Variants in ZNF569 observed in about 807,000 individuals in gnomAD.
ZNF569 encodes the protein DNA-binding protein.
A neutral mutation model predicts 56.3 loss-of-function variants in ZNF569; 38 were observed. That is an observed-to-expected ratio of 0.68 (90% CI 0.52 to 0.88). ZNF569 has a LOEUF of 0.88. ZNF569 is among the 40% of genes least tolerant of loss of function. The probability of loss-of-function intolerance (pLI) is 0.00; values close to 1 mark genes in which losing one functional copy is unlikely to be tolerated. For missense variants in ZNF569, 666 were observed against 809.2 expected, an observed-to-expected ratio of 0.82 and a Z score of 2.15; for synonymous variants, 241 against 262.9, an observed-to-expected ratio of 0.92 and a Z score of 0.81.
chr19:37,447,262 A>ACCTTTTTAC (rs1178129240), intron 2 of ZNF569, among the ~76,000 whole-genome samples: 3 of 152,346 alleles, frequency 2.0e-5, no homozygotes, highest in African/African-American at 7.2e-5. Flanking sequence ...AGAGGAAAAG[A>ACCTTTTTAC]AGTCATTACA....
chr19:37,429,427 T>C (rs1156623392), intron 3 of ZNF569, among the ~76,000 whole-genome samples: 4 of 152,220 alleles, frequency 2.6e-5, no homozygotes, highest in Admixed American at 2.0e-4. Flanking sequence ...GCCTTGAACT[T>C]CAATATGAGA....
At chr19:37,429,032 G>A (rs776613642) in intron 3 of ZNF569, among the ~76,000 whole-genome samples, 20 of 151,930 alleles carry the variant, frequency 1.3e-4, no homozygotes, top group Non-Finnish European at 2.8e-4. Context: ...GCCTAAGACT[G>A]ATCTTAAAAA....
intron 2 of ZNF569, 130 bp downstream of exon 2, chr19:37,465,183 T>C (rs1032354522): frequency 1.3e-5 from 2 of 152,254 alleles, no homozygotes; most frequent in Admixed American, 6.5e-5. Flanking sequence ...TTACTACCTT[T>C]TCAGGATGCC....
chr19:37,455,203 A>G, intron 2 of ZNF569: 1 of 227,966 alleles, frequency 4.4e-6, no homozygotes, highest in East Asian at 9.0e-5. Flanking sequence ...AGTCAAGTAA[A>G]TTAGCTAGGA....
chr19:37,413,950 G>A lies in ZNF569; in HGVS notation c.708C>T (p.His236=), dbSNP rs1268979923. 1 of 1,613,244 alleles carries A rather than the reference G, an allele frequency of 6.2e-7. No homozygotes were observed. The change falls in exon 6 of 6, where the codon CAC becomes CAT. Residue 236 remains histidine (H), a synonymous_variant. Transcript: ENST00000316950. ...KEKLIKHYKI[H]SREQSYKCNE... ...TACATTTGTAAGACTGCTCCCTACT[G>A]TGAATTTTATAATGTTTAATAAGTT...
In ZNF569 at chr19:37,467,110, A is replaced by T. The variant is rs2041855982; in HGVS notation, c.-231T>A. On this transcript the variant is annotated 5_prime_UTR_variant, in exon 1 of 6. Transcript: ENST00000316950. Reference sequence around the variant, plus strand: ...ACCAAGCCCGCGGACACAGGCCCCGATTCCACACTTAACGCTGCCAAAGTG... The same window carrying T: ...ACCAAGCCCGCGGACACAGGCCCCGTTTCCACACTTAACGCTGCCAAAGTG... 1 of 152,318 alleles carries T rather than the reference A, an allele frequency of 6.6e-6. No individual in the cohort carries two copies. Among genetic ancestry groups the T allele is most frequent in the Non-Finnish European group, 1.5e-5 (1 of 68,184 alleles). The allele number at this position is 152,318 out of a possible 1,614,324, so 9.4% of individuals were successfully genotyped here. A position where few individuals can be genotyped will look rare whatever the true frequency, so the allele number is the denominator to read the frequency against.
intron 2 of ZNF569, among the ~76,000 whole-genome samples, chr19:37,461,086 C>T (rs900083205): frequency 6.6e-6 from 1 of 152,106 alleles, no homozygotes; most frequent in Admixed American, 6.5e-5. Context: ...TTTATTCTGC[C>T]TTTTCTGTAC....
chr19:37,434,584 G>A (rs193027809), intron 3 of ZNF569, among the ~76,000 whole-genome samples: 96 of 152,254 alleles, frequency 6.3e-4, no homozygotes, highest in African/African-American at 2.2e-3. Flanking sequence ...CCAGCTACTC[G>A]GTGTCAAGCC....
upstream of ZNF569, among the ~76,000 whole-genome samples, chr19:37,468,780 A>G (rs2041897060): frequency 6.6e-6 from 1 of 152,198 alleles, no homozygotes; most frequent in East Asian, 1.9e-4. Context: ...TGCTGGGATT[A>G]CAGGCGTGAG....
chr19:37,431,156 G>C (rs1373526055), intron 3 of ZNF569, among the ~76,000 whole-genome samples: 1 of 152,182 alleles, frequency 6.6e-6, no homozygotes, highest in Non-Finnish European at 1.5e-5. Flanking sequence ...TCCTGGTGCT[G>C]TGCTGGGCTT....
intron 3 of ZNF569, among the ~76,000 whole-genome samples, chr19:37,426,752 A>T (rs2041139890): frequency 6.6e-6 from 1 of 152,232 alleles, no homozygotes; most frequent in Non-Finnish European, 1.5e-5. Context: ...TGGGACATGC[A>T]ACTGGAGATA....
chr19:37,436,056 A>G (rs2041304500), intron 3 of ZNF569, among the ~76,000 whole-genome samples: 1 of 152,212 alleles, frequency 6.6e-6, no homozygotes, highest in Non-Finnish European at 1.5e-5. Context: ...TCTTTTCCTC[A>G]GCACATAGAT....
intron 3 of ZNF569, among the ~76,000 whole-genome samples, chr19:37,437,621 A>G (rs1344712054): frequency 6.6e-6 from 1 of 152,254 alleles, no homozygotes; most frequent in Non-Finnish European, 1.5e-5. Flanking sequence ...TGATAAACAA[A>G]TTCAGTAAAG....
rs2040870882 is a variant in ZNF569, at chr19:37,413,297, A to C, written c.1361T>G (p.Val454Gly). ...CCCAGTATGAATTCTCTGGTGTCTA[A>C]CAAGATTTGACATCTGTATAAAAGC... is the stretch of plus-strand genomic sequence containing the variant. ...GKAFIQMSNLVRHQRIHTGEK... is the reference protein window; with the variant it reads ...GKAFIQMSNLGRHQRIHTGEK... The change falls in exon 6 of 6, where the codon GTT becomes GGT. Residue 454 changes from valine to glycine, a missense_variant. Transcript: ENST00000316950. The C allele has an allele frequency of 6.2e-7, 1 of 1,609,520 alleles. No individual in the cohort carries two copies. Among genetic ancestry groups the C allele is most frequent in the Non-Finnish European group, 8.5e-7 (1 of 1,178,560 alleles).
chr19:37,412,445 G>T lies in ZNF569; in HGVS notation c.*152C>A. On this transcript the variant is annotated 3_prime_UTR_variant, in exon 6 of 6. Coordinates refer to ENST00000316950, the MANE Select transcript of ZNF569 (RefSeq NM_152484.3). Reference sequence around the variant, plus strand: ...TTTTCATTATATAATTTGTCACCTTGGAAGAATTCTCTAATGTTTCATAAA... The same window carrying T: ...TTTTCATTATATAATTTGTCACCTTTGAAGAATTCTCTAATGTTTCATAAA... The T allele has an allele frequency of 7.7e-7, 1 of 1,295,988 alleles. No homozygotes were observed. 80.3% of individuals were successfully genotyped at this position (1,295,988 alleles called of 1,614,324 possible). A position where few individuals can be genotyped will look rare whatever the true frequency, so the allele number is the denominator to read the frequency against.
At position 37,426,361 on chromosome 19, in the gene ZNF569, T is replaced by G; in HGVS notation, c.33A>C (p.Lys11Asn). Residue 11 changes from lysine (K) to asparagine (N), a missense_variant, in exon 4 of 6, where the codon AAA becomes AAC. Lys to Asn is a moderately conservative substitution (Grantham distance 94). Transcript: ENST00000316950. Reference protein sequence around the residue: MTESQGTVTFKDVAIDFTQEE... With the variant: MTESQGTVTFNDVAIDFTQEE... ...CCTGAGTGAAGTCGATAGCCACATC[T>G]TTGAATGTTACTGTTCCCTGTAACA... 3 of 1,610,928 alleles carry G rather than the reference T, an allele frequency of 1.9e-6. No individual in the cohort carries two copies. The South Asian group carries it at 3.3e-5, about 18-fold the overall frequency.
chr19:37,434,445 T>G (rs2041275996), intron 3 of ZNF569, among the ~76,000 whole-genome samples: 1 of 152,196 alleles, frequency 6.6e-6, no homozygotes, highest in Admixed American at 6.5e-5. Flanking sequence ...TCCCAACCCC[T>G]TGGGAGGCCG....
chr19:37,463,648 C>T (rs2041788127), intron 2 of ZNF569, among the ~76,000 whole-genome samples: 1 of 152,046 alleles, frequency 6.6e-6, no homozygotes, highest in Non-Finnish European at 1.5e-5. Flanking sequence ...ATAAATTAGC[C>T]TCAAGCAGGT....
chr19:37,428,335 C>G lies in ZNF569; in HGVS notation c.16-1957G>C, dbSNP rs537990280. ...TCTGGGCAACATAGCAAAACCTCAT[C>G]TCTACAATAAATGAATGAATGAATG... On this transcript the variant is annotated intron_variant, in intron 3 of 5. Transcript: ENST00000316950. Among the ~76,000 whole-genome samples the G allele has an allele frequency of 5.3e-5, 8 of 151,078 alleles. 1 individual carries two copies. The highest frequency in any genetic ancestry group is 2.0e-4 in the African/African-American group (8 of 40,600).
Sources: allele counts gnomAD v4.1 joint callset (sites outside exome capture counted in the v4.1 genomes callset), GRCh38; gene constraint gnomAD v4.1.1; transcripts MANE v1.5; gene names NCBI Gene and HGNC (gene_info 2026-07-23, HGNC 2026-07-21).